The following USP34 variants were observed in gnomAD, a reference collection of about 807,000 sequenced individuals.
The protein encoded by USP34 is ubiquitin specific peptidase 34, also known as ubiquitin carboxyl-terminal hydrolase 34.
Under a neutral mutation model 460.3 loss-of-function variants are expected in USP34, and 70 were observed. That is an observed-to-expected ratio of 0.15 (90% CI 0.13 to 0.19). USP34 has a LOEUF of 0.19. Ranked by LOEUF, USP34 falls within the 10% of genes least tolerant of loss-of-function variation. The pLI, the probability that USP34 is intolerant of heterozygous loss-of-function variation, is 1.00. For synonymous variants in USP34, 1,647 were observed against 1,405.3 expected (o/e 1.17, Z -3.85); for missense variants, 3,985 against 4,236.2 (o/e 0.94, Z 1.65).
Position 61,380,286 on chromosome 2 carries a change from T to C in USP34, c.897A>G (p.Thr299=), listed in dbSNP as rs370549235. The C allele has an allele frequency of 1.9e-5, 31 of 1,614,182 alleles. No homozygotes were observed. The African/African-American group carries it at 2.0e-4, about 10-fold the overall frequency. The change falls in exon 7 of 80, where the codon ACA becomes ACG. Residue 299 remains threonine (T), a synonymous_variant. Transcript: ENST00000398571. ...ARNMADLMWS[T]VKEPLDTTLC... The stretch of plus-strand genomic sequence containing the variant: ...ATGTTGTATCCAATGGTTCTTTGAC[T>C]GTGCTCCACATTAAGTCAGCCATGT...
intron 3 of USP34, among the ~76,000 whole-genome samples, chr2:61,398,463 A>AAAAGCGGGGGAAGGAGGCG (rs1693606415): frequency 2.2e-5 from 2 of 92,766 alleles, no homozygotes; most frequent in Non-Finnish European, 4.3e-5. Context: ...GGAAGGACGG[A>AAAAGCGGGGGAAGGAGGCG]GAAGCGGGGG....
In USP34 at chr2:61,208,988, A is replaced by T; in HGVS notation, c.8841-11T>A. ...AGTATTCTGAAGGCACTAGAAGAAA[A>T]CATAAAGTTCAGTTTGAGAAGTCTG... On this transcript the variant is annotated splice_polypyrimidine_tract_variant and intron_variant, in intron 69 of 79. Coordinates refer to ENST00000398571, the MANE Select transcript of USP34 (RefSeq NM_014709.4). 3.9e-6 allele frequency: 6 copies of T among 1,549,052 alleles called. No homozygotes were observed. The highest frequency in any genetic ancestry group is 5.2e-6 in the Non-Finnish European group (6 of 1,144,592).
In USP34 at chr2:61,467,089, C is replaced by T. The variant is rs914527254; in HGVS notation, c.43+3561G>A. Reference sequence around the variant, plus strand: ...GGGAGACGGAAGCGGGTAGATCACACGGTAAGGAGTTCAGACCAGCCTGGC... The same window carrying T: ...GGGAGACGGAAGCGGGTAGATCACATGGTAAGGAGTTCAGACCAGCCTGGC... On this transcript the variant is annotated intron_variant, in intron 1 of 79. Transcript: ENST00000398571. 2.6e-5 allele frequency among the ~76,000 whole-genome samples: 4 copies of T among 151,714 alleles called. No homozygotes were observed. In the East Asian group the frequency reaches 5.9e-4, roughly 22 times the overall value.
chr2:61,285,049 T>C, intron 34 of USP34, 92 bp from the exon 35 acceptor site: 1 of 956,430 alleles, frequency 1.0e-6, no homozygotes, highest in South Asian at 2.0e-5. Context: ...AAGAGATGTG[T>C]ATTACAAAAT....
intron 10 of USP34, among the ~76,000 whole-genome samples, chr2:61,353,363 G>T (rs1270237906): frequency 6.6e-6 from 1 of 150,528 alleles, no homozygotes; most frequent in African/African-American, 2.4e-5. Context: ...AAATATACCT[G>T]AAGTCCACCT....
Position 61,304,099 on chromosome 2 carries a change from T to C in USP34, c.3818-2645A>G, listed in dbSNP as rs28680755. ...TTTTAGTAGAGACAGGGTTTCGTCA[T>C]GTTGGCCAGGCTGGTCTCGACCTCC... On this transcript the variant is annotated intron_variant, in intron 27 of 79. Transcript: ENST00000398571. Among the ~76,000 whole-genome samples the C allele has an allele frequency of 6.2e-3, 943 of 152,242 alleles. 8 individuals are homozygous for C. Among genetic ancestry groups the C allele is most frequent in the African/African-American group, 0.021 (885 of 41,546 alleles).
chr2:61,191,994 T>A (rs1197295032), intron 76 of USP34, among the ~76,000 whole-genome samples: 1 of 152,006 alleles, frequency 6.6e-6, no homozygotes, highest in Non-Finnish European at 1.5e-5. Context: ...GGGATGGAGA[T>A]GACTCTGATA....
intron 43 of USP34, among the ~76,000 whole-genome samples, chr2:61,261,102 T>C (rs551939704): frequency 4.1e-4 from 63 of 152,288 alleles, no homozygotes; most frequent in African/African-American, 1.5e-3. Flanking sequence ...GGTAAGGCTA[T>C]TCCTCAAAAA....
rs1282993775 is a variant in USP34 at position 61,227,322 on chromosome 2, G to T, written c.7444-104C>A. 7.6e-6 allele frequency: 10 copies of T among 1,317,230 alleles called. No individual in the cohort carries two copies. In the Admixed American group the frequency reaches 1.8e-4, roughly 24 times the overall value. 81.6% of individuals were successfully genotyped at this position (1,317,230 alleles called of 1,614,324 possible). Reference sequence around the variant, plus strand: ...ACAGTGTAGATGGTGGCAGGAGCTTGTAACATGAAAAACAACTGCACAAAG... The same window carrying T: ...ACAGTGTAGATGGTGGCAGGAGCTTTTAACATGAAAAACAACTGCACAAAG... On this transcript the variant is annotated intron_variant, in intron 61 of 79. Transcript: ENST00000398571.
intron 21 of USP34, among the ~76,000 whole-genome samples, chr2:61,322,470 A>G (rs1690955544): frequency 6.6e-6 from 1 of 152,204 alleles, no homozygotes; most frequent in Non-Finnish European, 1.5e-5. Context: ...CACAAGTACG[A>G]GTATGAAAAA....
At chr2:61,420,062 C>A (rs1471905271) in intron 2 of USP34, among the ~76,000 whole-genome samples, 1 of 152,152 alleles carries the variant, frequency 6.6e-6, no homozygotes, top group Non-Finnish European at 1.5e-5. Context: ...AGACTGTATA[C>A]CTCAGAACAT....
chr2:61,330,314 C>T (rs1280250530), intron 20 of USP34, among the ~76,000 whole-genome samples: 1 of 152,060 alleles, frequency 6.6e-6, no homozygotes, highest in Non-Finnish European at 1.5e-5. Flanking sequence ...GCTTTTTTCT[C>T]ATCGTCATCA....
chr2:61,244,649 T>C (rs1688373020), intron 51 of USP34, among the ~76,000 whole-genome samples: 1 of 151,658 alleles, frequency 6.6e-6, no homozygotes, highest in Non-Finnish European at 1.5e-5. Context: ...CTTTTCTCAA[T>C]TATGTCACAT....
At chr2:61,235,087 T>A (rs750103936) in intron 57 of USP34, among the ~76,000 whole-genome samples, 2 of 152,200 alleles carry the variant, frequency 1.3e-5, no homozygotes, top group Non-Finnish European at 2.9e-5. Context: ...GAGGAGATCT[T>A]GTGTCCTCAC....
At chr2:61,369,384 C>A (rs1367804532) in intron 10 of USP34, among the ~76,000 whole-genome samples, 1 of 152,006 alleles carries the variant, frequency 6.6e-6, no homozygotes, top group Non-Finnish European at 1.5e-5. Flanking sequence ...GTGGCTCATG[C>A]CTGTAATCCC....
rs1311261123 is a variant in USP34 at position 61,407,716 on chromosome 2, TC to T, written c.132-1589del. 4.6e-5 allele frequency among the ~76,000 whole-genome samples: 7 copies of T among 152,342 alleles called. No individual in the cohort carries two copies. In the Middle Eastern group the frequency reaches 0.01, roughly 222 times the overall value. ...AAAGACATTGTCACTTCTGCCTTGC[TC>T]TTTTTTGGATCACTTACTCTAGAGG... On this transcript the variant is annotated intron_variant, in intron 2 of 79. Coordinates refer to ENST00000398571, the MANE Select transcript of USP34 (RefSeq NM_014709.4).
chr2:61,305,771 A>G (rs1157777634), intron 27 of USP34, among the ~76,000 whole-genome samples: 10 of 152,168 alleles, frequency 6.6e-5, no homozygotes, highest in Admixed American at 3.9e-4. Flanking sequence ...AAAAATCTTT[A>G]TATCCTTTTT....
chr2:61,380,666 T>C (rs149839251), intron 6 of USP34, among the ~76,000 whole-genome samples: 102 of 152,324 alleles, frequency 6.7e-4, no homozygotes, highest in Admixed American at 1.2e-3. Flanking sequence ...AAAGGTGTAA[T>C]CTATTTCTAC....
At position 61,442,898 on chromosome 2, in the gene USP34, T is replaced by C. The variant is rs28875926; in HGVS notation, c.44-22065A>G. 2.4e-3 allele frequency among the ~76,000 whole-genome samples: 355 copies of C among 147,314 alleles called. 1 individual carries two copies. Among genetic ancestry groups the C allele is most frequent in the Middle Eastern group, 0.01 (3 of 288 alleles). ...ATGGATAAACAAAATGTGATGTGTG[T>C]ACACACACACACACACACACACACA... On this transcript the variant is annotated intron_variant, in intron 1 of 79. Transcript: ENST00000398571.
Sources: allele counts gnomAD v4.1 joint callset (sites outside exome capture counted in the v4.1 genomes callset), GRCh38; gene constraint gnomAD v4.1.1; transcripts MANE v1.5; gene names NCBI Gene and HGNC (gene_info 2026-07-23, HGNC 2026-07-21).